Variants in SGCZ observed in about 807,000 individuals in gnomAD.
The protein encoded by SGCZ is sarcoglycan zeta.
A neutral mutation model predicts 41.3 loss-of-function variants in SGCZ; 40 were observed. The observed-to-expected ratio is 0.97, with a 90% CI of 0.75 to 1.26. The LOEUF is 1.26. Among genes scored for constraint, SGCZ ranks in the 50% most tolerant of loss-of-function variants. The probability of loss-of-function intolerance (pLI) is 0.00; values close to 1 mark genes in which losing one functional copy is unlikely to be tolerated. For missense variants in SGCZ, 552 were observed against 369.8 expected (o/e 1.49, Z -4.04); for synonymous variants, 206 against 137.5 (o/e 1.50, Z -3.49).
At chr8:14,573,309 G>A (rs1471963713) in intron 1 of SGCZ, among the ~76,000 whole-genome samples, 5 of 148,240 alleles carry the variant, frequency 3.4e-5, no homozygotes, top group Admixed American at 2.0e-4. Context: ...GCCGTTCTCC[G>A]GCCTCAGCCT....
At chr8:15,034,961 A>T (rs1351852050) in intron 1 of SGCZ, among the ~76,000 whole-genome samples, 2 of 152,144 alleles carry the variant, frequency 1.3e-5, no homozygotes, top group Admixed American at 1.3e-4. Flanking sequence ...CCTATTGGGA[A>T]TTTTTTTAAG....
intron 2 of SGCZ, among the ~76,000 whole-genome samples, chr8:14,367,049 A>C (rs1018021746): frequency 1.3e-5 from 2 of 152,028 alleles, no homozygotes; most frequent in Non-Finnish European, 2.9e-5. Flanking sequence ...ATATTTTCCA[A>C]ACTTTAATGC....
intron 1 of SGCZ, among the ~76,000 whole-genome samples, chr8:14,656,364 T>C (rs534900328): frequency 1.3e-5 from 2 of 151,166 alleles, no homozygotes; most frequent in East Asian, 4.0e-4. Context: ...CCTTCTTCCT[T>C]TTCTTTTCGT....
In SGCZ at chr8:14,360,035, G is replaced by T. The variant is rs118181133; in HGVS notation, c.235-35831C>A. On this transcript the variant is annotated intron_variant, in intron 2 of 7. Coordinates refer to ENST00000382080, the MANE Select transcript of SGCZ (RefSeq NM_139167.4). Reference sequence around the variant, plus strand: ...TTATATAGTCATTTCAGTTAATGCTGAAAAAGCATTTGATAAAATTCAAGA... The same window carrying T: ...TTATATAGTCATTTCAGTTAATGCTTAAAAAGCATTTGATAAAATTCAAGA... Among the ~76,000 whole-genome samples, 197 of 152,190 alleles carry T rather than the reference G, an allele frequency of 1.3e-3. 1 individual carries two copies. In the East Asian group the frequency reaches 0.027, roughly 21 times the overall value.
chr8:14,564,511 CAT>C (rs1438765141), intron 1 of SGCZ, among the ~76,000 whole-genome samples: 8 of 152,148 alleles, frequency 5.3e-5, no homozygotes, highest in Non-Finnish European at 1.2e-4. Flanking sequence ...ATGCATATTA[CAT>C]TGACATATAT....
chr8:15,044,634 G>C (rs1804233783), intron 1 of SGCZ, among the ~76,000 whole-genome samples: 1 of 152,088 alleles, frequency 6.6e-6, no homozygotes, highest in South Asian at 2.1e-4. Flanking sequence ...TGAGGAAAAT[G>C]TTCACTGAGG....
At chr8:14,377,890 T>C (rs936987493) in intron 2 of SGCZ, among the ~76,000 whole-genome samples, 4 of 151,546 alleles carry the variant, frequency 2.6e-5, no homozygotes, top group Non-Finnish European at 5.9e-5. Flanking sequence ...TAGTATTCCA[T>C]GGTGTATATG....
At chr8:15,224,670 A>C (rs1278310803) in intron 1 of SGCZ, among the ~76,000 whole-genome samples, 2 of 152,210 alleles carry the variant, frequency 1.3e-5, no homozygotes, top group East Asian at 3.8e-4. Context: ...ATCTAACTAT[A>C]TGCTGCTTTC....
chr8:14,361,628 C>T (rs1585406496), intron 2 of SGCZ, among the ~76,000 whole-genome samples: 1 of 152,140 alleles, frequency 6.6e-6, no homozygotes, highest in Non-Finnish European at 1.5e-5. Context: ...TTAGAACATG[C>T]TCCGTTAGCT....
chr8:14,230,927 A>G (rs562336735), intron 4 of SGCZ, among the ~76,000 whole-genome samples: 1 of 152,178 alleles, frequency 6.6e-6, no homozygotes, highest in Admixed American at 6.6e-5. Context: ...CCTTAAACAT[A>G]CGTGGTTGTA....
At chr8:14,309,274 A>T (rs1801447596) in intron 3 of SGCZ, 32 of 1,552,560 alleles carry the variant, frequency 2.1e-5, no homozygotes, top group Middle Eastern at 2.3e-4. Flanking sequence ...CTAGTAATTT[A>T]ATGCCTGGCT....
chr8:14,171,356 A>G (rs541649713), intron 4 of SGCZ, among the ~76,000 whole-genome samples: 29 of 152,056 alleles, frequency 1.9e-4, no homozygotes, highest in African/African-American at 6.7e-4. Flanking sequence ...TTTAAACACA[A>G]TTATGAAGAG....
intron 1 of SGCZ, among the ~76,000 whole-genome samples, chr8:14,955,076 A>G (rs1025034403): frequency 1.3e-5 from 2 of 152,126 alleles, no homozygotes; most frequent in African/African-American, 4.8e-5. Flanking sequence ...CATCTGCTAA[A>G]CCACCTTCTC....
chr8:14,261,574 G>A (rs1799668323), intron 3 of SGCZ, among the ~76,000 whole-genome samples: 1 of 152,054 alleles, frequency 6.6e-6, no homozygotes, highest in Non-Finnish European at 1.5e-5. Context: ...CTGTTCATCT[G>A]GACCAATGCC....
At chr8:14,268,724 TATTAA>T (rs1799960371) in intron 3 of SGCZ, among the ~76,000 whole-genome samples, 1 of 151,888 alleles carries the variant, frequency 6.6e-6, no homozygotes, top group Admixed American at 6.6e-5. Context: ...AAACAAAGAT[TATTAA>T]ATTAATATTA....
At chr8:14,424,412 T>C (rs1201799283) in intron 2 of SGCZ, among the ~76,000 whole-genome samples, 2 of 152,220 alleles carry the variant, frequency 1.3e-5, no homozygotes, top group African/African-American at 4.8e-5. Flanking sequence ...CTTCCATCTA[T>C]GTGCTAATTA....
rs114142004 is a variant in SGCZ at position 14,215,025 on chromosome 8, C to A, written c.424+22567G>T. Among the ~76,000 whole-genome samples, 756 of 152,208 alleles carry A rather than the reference C, an allele frequency of 5.0e-3. 6 individuals are homozygous for A. The highest frequency in any genetic ancestry group is 0.014 in the African/African-American group (584 of 41,552). ...TATTATCAAACAATGGGACCTCATT[C>A]GCACATATAGAGCACTTCACTAAAC... is the stretch of plus-strand genomic sequence containing the variant. On this transcript the variant is annotated intron_variant, in intron 4 of 7. Coordinates refer to ENST00000382080, the MANE Select transcript of SGCZ (RefSeq NM_139167.4).
At chr8:14,164,515 C>T in intron 5 of SGCZ, 65 bp downstream of exon 5, 1 of 1,584,192 alleles carries the variant, frequency 6.3e-7, no homozygotes, top group Non-Finnish European at 8.6e-7. Flanking sequence ...TATTAAGAAG[C>T]TCCTTGTGCA....
intron 1 of SGCZ, among the ~76,000 whole-genome samples, chr8:14,902,045 T>C (rs1008786678): frequency 6.6e-6 from 1 of 152,196 alleles, no homozygotes; most frequent in African/African-American, 2.4e-5. Flanking sequence ...TTATACATTT[T>C]AGTGGACACT....
Sources: allele counts gnomAD v4.1 joint callset (sites outside exome capture counted in the v4.1 genomes callset), GRCh38; gene constraint gnomAD v4.1.1; transcripts MANE v1.5; gene names NCBI Gene and HGNC (gene_info 2026-07-23, HGNC 2026-07-21).